COL9A3: variants seen among roughly 807,000 people sequenced by gnomAD.
COL9A3 encodes collagen alpha-3(IX) chain.
In COL9A3, 82 loss-of-function variants were observed where a neutral mutation model predicts 110.2. That is an observed-to-expected ratio of 0.74 (90% CI 0.62 to 0.89). The LOEUF is 0.89. Among genes scored for constraint, COL9A3 ranks in the 40% least tolerant of loss-of-function variants. COL9A3 has a pLI of 0.00. For missense variants in COL9A3, 1,066 were observed against 981.3 expected (o/e 1.09, Z -1.15); for synonymous variants, 494 against 403.8 (o/e 1.22, Z -2.68).
At chr20:62,821,327 T>A in intron 6 of COL9A3, 111 bp downstream of exon 6, 2 of 1,345,852 alleles carry the variant, frequency 1.5e-6, no homozygotes, top group African/African-American at 1.4e-5. Context: ...GGCCCTCTCA[T>A]CTGCAGCCTC....
In COL9A3 at chr20:62,817,594, C is replaced by T; in HGVS notation, c.106C>T (p.Pro36Ser). 7 of 1,547,384 alleles carry T rather than the reference C, an allele frequency of 4.5e-6. No homozygotes were observed. Among genetic ancestry groups the T allele is most frequent in the Non-Finnish European group, 6.1e-6 (7 of 1,145,222 alleles). The change falls in exon 2 of 32, where the codon CCC becomes TCC. Residue 36 changes from proline (P) to serine (S), a missense_variant. Coordinates refer to ENST00000649368, the MANE Select transcript of COL9A3 (RefSeq NM_001853.4). ...QRVGLPGPPGPPGPPGKPGQD... is the reference protein window; with the variant it reads ...QRVGLPGPPGSPGPPGKPGQD... ...AGTGGGACTCCCCGGCCCCCCCGGC[C>T]CCCCAGGGCCGCCCGGGAAGCCCGG...
chr20:62,817,584 C>A lies in COL9A3; in HGVS notation c.96C>A (p.Gly32=). Residue 32 remains glycine, a synonymous_variant, in exon 2 of 32, where the codon GGC becomes GGA. Coordinates refer to ENST00000649368, the MANE Select transcript of COL9A3 (RefSeq NM_001853.4). ...CGTTTCAGAGAGTGGGACTCCCCGG[C>A]CCCCCCGGCCCCCCAGGGCCGCCCG... ...AAGAQRVGLP[G]PPGPPGPPGK... 2.0e-6 allele frequency: 3 copies of A among 1,511,192 alleles called. No homozygotes were observed. The highest frequency in any genetic ancestry group is 2.7e-6 in the Non-Finnish European group (3 of 1,117,148). The allele number at this position is 1,511,192 out of a possible 1,614,324, so 93.6% of individuals were successfully genotyped here. A position where few individuals can be genotyped will look rare whatever the true frequency, so the allele number is the denominator to read the frequency against.
At chr20:62,819,025 G>A (rs1991029130) in intron 3 of COL9A3, among the ~76,000 whole-genome samples, 197 bp from the exon 4 acceptor site, 1 of 152,192 alleles carries the variant, frequency 6.6e-6, no homozygotes, top group African/African-American at 2.4e-5. Context: ...GCCTTCCTGG[G>A]CCAGCAAGGT....
intron 15 of COL9A3, 82 bp from the exon 16 acceptor site, chr20:62,827,159 C>T (rs989316167): frequency 2.4e-5 from 34 of 1,394,810 alleles, no homozygotes; most frequent in Admixed American, 2.0e-4. Context: ...GTCCCCCGCC[C>T]GGGCCTGGAG....
chr20:62,821,614 G>C lies in COL9A3; in HGVS notation c.369+84G>C, dbSNP rs369071027. Reference sequence around the variant, plus strand: ...GGCTGGGATGTCCCAAACCGTGCCTGGGGGTGGGGCTTCTCAGGGGCAGCC... The same window carrying C: ...GGCTGGGATGTCCCAAACCGTGCCTCGGGGTGGGGCTTCTCAGGGGCAGCC... On this transcript the variant is annotated intron_variant, in intron 7 of 31. Coordinates refer to ENST00000649368, the MANE Select transcript of COL9A3 (RefSeq NM_001853.4). 261 of 1,597,120 alleles carry C rather than the reference G, an allele frequency of 1.6e-4. 1 individual carries two copies. In the East Asian group the frequency reaches 5.1e-3, roughly 31 times the overall value.
chr20:62,838,406 G>A (rs1196118472), intron 30 of COL9A3, among the ~76,000 whole-genome samples: 1 of 152,216 alleles, frequency 6.6e-6, no homozygotes, highest in Non-Finnish European at 1.5e-5. Context: ...CACGGGAAAG[G>A]AATGGTAAAA....
chr20:62,818,878 G>A (rs563109268), intron 3 of COL9A3, among the ~76,000 whole-genome samples: 31 of 152,330 alleles, frequency 2.0e-4, no homozygotes, highest in African/African-American at 7.2e-4. Flanking sequence ...TCAGTTCCAG[G>A]GGTTGAGGGT....
At chr20:62,839,423 G>A (rs1334762000) in intron 31 of COL9A3, among the ~76,000 whole-genome samples, 3 of 152,194 alleles carry the variant, frequency 2.0e-5, no homozygotes, top group Admixed American at 2.0e-4. Flanking sequence ...GTCACGGAGG[G>A]AGGCAGCGCC....
chr20:62,831,908 A>G, intron 24 of COL9A3: 1 of 581,778 alleles, frequency 1.7e-6, no homozygotes. Context: ...CACGGGTGTT[A>G]CAAACAGTGC....
At position 62,825,032 on chromosome 20, in the gene COL9A3, C is replaced by G. The variant is rs368606488; in HGVS notation, c.630+11C>G. The G allele has an allele frequency of 8.7e-6, 14 of 1,604,754 alleles. No individual in the cohort carries two copies. The highest frequency in any genetic ancestry group is 5.1e-5 in the Admixed American group (3 of 59,272). On this transcript the variant is annotated intron_variant, in intron 12 of 31. Transcript: ENST00000649368. Reference sequence around the variant, plus strand: ...AAGGACGGCGAGAAGGTGAAGCTGCCGCACAGCAGCTGGGGAGGAGCTGGG... The same window carrying G: ...AAGGACGGCGAGAAGGTGAAGCTGCGGCACAGCAGCTGGGGAGGAGCTGGG...
chr20:62,826,230 AG>A lies in COL9A3; in HGVS notation c.714del (p.Pro239HisfsTer294). 6.4e-7 allele frequency: 1 copy of A among 1,561,106 alleles called. No individual in the cohort carries two copies. The highest frequency in any genetic ancestry group is 8.7e-7 in the Non-Finnish European group (1 of 1,153,404). ...QGPRGLRGLPGPLGPPGDRGP... is the reference protein window; with the variant it reads ...QGPRGLRGLPXPLGPPGDRGP... Reference sequence around the variant, plus strand: ...GCCCCCGGGGATTACGAGGACTGCCAGGGCCACTCGGGCCCCCTGGGGACCG... The same window carrying A: ...GCCCCCGGGGATTACGAGGACTGCCAGGCCACTCGGGCCCCCTGGGGACCG... On this transcript the variant is annotated frameshift_variant, in exon 14 of 32. Transcript: ENST00000649368. LOFTEE classifies it high-confidence loss of function.
chr20:62,839,364 T>C (rs1462365565), intron 31 of COL9A3, among the ~76,000 whole-genome samples: 2 of 152,228 alleles, frequency 1.3e-5, no homozygotes, highest in Admixed American at 6.5e-5. Flanking sequence ...TTAATTGACC[T>C]GTGCATACGT....
In COL9A3 at chr20:62,829,694, G is replaced by A. The variant is rs767469394; in HGVS notation, c.1107+13G>A. On this transcript the variant is annotated intron_variant, in intron 21 of 31. Coordinates refer to ENST00000649368, the MANE Select transcript of COL9A3 (RefSeq NM_001853.4). ...GCCAGGCGTCCCTGTGAGTATCTGC[G>A]GCGCCCCAGACCCCTCCCCATCCAG... is the stretch of plus-strand genomic sequence containing the variant. 147 of 1,605,826 alleles carry A rather than the reference G, an allele frequency of 9.2e-5. 2 individuals carry two copies. In the South Asian group the frequency reaches 1.4e-3, roughly 16 times the overall value.
chr20:62,822,719 A>C, intron 10 of COL9A3, 87 bp downstream of exon 10: 2 of 1,443,286 alleles, frequency 1.4e-6, no homozygotes, highest in South Asian at 2.3e-5. Flanking sequence ...GCTTGTCCAT[A>C]CTGGCAAGAA....
At chr20:62,823,925 A>G (rs1200148698) in intron 10 of COL9A3, among the ~76,000 whole-genome samples, 1 of 152,164 alleles carries the variant, frequency 6.6e-6, no homozygotes, top group East Asian at 1.9e-4. Flanking sequence ...CCAGTGCTGA[A>G]GGAGACCCTG....
intron 2 of COL9A3, among the ~76,000 whole-genome samples, chr20:62,818,216 G>A (rs986256499): frequency 3.3e-5 from 5 of 152,136 alleles, no homozygotes; most frequent in East Asian, 1.9e-4. Context: ...TGTGGTCCCC[G>A]TGGAGGGCTG....
Position 62,826,788 on chromosome 20 carries a change from C to CCGCCTGGGATCCCAGGAG in COL9A3, c.770_787dup (p.Ile257_Gly262dup). On this transcript the variant is annotated inframe_insertion, in exon 15 of 32. Coordinates refer to ENST00000649368, the MANE Select transcript of COL9A3 (RefSeq NM_001853.4). ...GCAGGGTCCCATTGGGTTCCGAGGG[C>CCGCCTGGGATCCCAGGAG]CGCCTGGGATCCCAGGAGCGCCTGG... 2 of 1,612,810 alleles carry CCGCCTGGGATCCCAGGAG rather than the reference C, an allele frequency of 1.2e-6. No individual in the cohort carries two copies. The highest frequency in any genetic ancestry group is 1.1e-5 in the South Asian group (1 of 91,074).
chr20:62,816,382 A>G (rs1204861564), upstream of COL9A3: 1 of 152,288 alleles, frequency 6.6e-6, no homozygotes, highest in Non-Finnish European at 1.5e-5. Flanking sequence ...CCCCTCGGCC[A>G]GGGTCATCGT....
Position 62,837,102 on chromosome 20 carries a change from C to A in COL9A3, c.1623C>A (p.Ala541=), listed in dbSNP as rs756630567. Residue 541 remains alanine, a synonymous_variant, in exon 30 of 32, where the codon GCC becomes GCA. Coordinates refer to ENST00000649368, the MANE Select transcript of COL9A3 (RefSeq NM_001853.4). ...CCAAAGAACAAATTGCACAGTTAGC[C>A]GCGCACCTAAGGAAGCCTTTGGCAC... The part of the protein sequence containing the change: ...GMISEQIAQL[A]AHLRKPLAPG... 6.2e-7 allele frequency: 1 copy of A among 1,613,358 alleles called. No homozygotes were observed. The highest frequency in any genetic ancestry group is 1.3e-5 in the African/African-American group (1 of 74,930).
Sources: gnomAD v4.1 joint callset for allele counts (sites outside exome capture counted in the v4.1 genomes callset) on GRCh38, gnomAD v4.1.1 for gene constraint, MANE v1.5 for transcripts, NCBI Gene and HGNC (gene_info 2026-07-23, HGNC 2026-07-21) for gene names.